ARHGEF16: variants seen among roughly 807,000 people sequenced by gnomAD.
The protein encoded by ARHGEF16 is Rho guanine exchange factor (GEF) 16.
Under a neutral mutation model 74.1 loss-of-function variants are expected in ARHGEF16, and 59 were observed. The observed-to-expected ratio is 0.80, with a 90% CI of 0.65 to 0.99. The LOEUF is 0.99. Ranked by LOEUF, ARHGEF16 falls within the 50% of genes least tolerant of loss-of-function variation. The probability of loss-of-function intolerance (pLI) is 0.00; values close to 1 mark genes in which losing one functional copy is unlikely to be tolerated. For missense variants in ARHGEF16, 948 were observed against 986.6 expected, an observed-to-expected ratio of 0.96 and a Z score of 0.52; for synonymous variants, 415 against 412.6, an observed-to-expected ratio of 1.01 and a Z score of -0.07.
At chr1:3,455,464 C>A (rs1639246972) in intron 1 of ARHGEF16, among the ~76,000 whole-genome samples, 1 of 152,090 alleles carries the variant, frequency 6.6e-6, no homozygotes, top group South Asian at 2.1e-4. Context: ...ACCAGGGAGC[C>A]GTGGCCGCTT....
intron 4 of ARHGEF16, 134 bp from the exon 5 acceptor site, chr1:3,468,746 G>T (rs959883521): frequency 2.4e-5 from 22 of 932,768 alleles, no homozygotes; most frequent in Non-Finnish European, 2.5e-5. Flanking sequence ...CCTACTCCAG[G>T]ATCGGACCTA....
chr1:3,472,879 A>ACCCCCCCCC, intron 6 of ARHGEF16, 199 bp from the exon 7 acceptor site: 3 of 106,818 alleles, frequency 2.8e-5, no homozygotes, highest in South Asian at 8.2e-5. Flanking sequence ...ACCACTTCCC[A>ACCCCCCCCC]CCCGCCCTCC....
intron 14 of ARHGEF16, among the ~76,000 whole-genome samples, chr1:3,480,244 AC>A (rs1640018580): frequency 6.6e-6 from 1 of 151,968 alleles, no homozygotes; most frequent in Non-Finnish European, 1.5e-5. Context: ...TCAGCCCAGC[AC>A]CCTTCTCAGT....
Position 3,463,494 on chromosome 1 carries a change from T to C in ARHGEF16, c.410T>C (p.Val137Ala), listed in dbSNP as rs1293262980. 2.0e-6 allele frequency: 3 copies of C among 1,511,702 alleles called. No individual in the cohort carries two copies. Among genetic ancestry groups the C allele is most frequent in the Non-Finnish European group, 2.7e-6 (3 of 1,127,808 alleles). The allele number at this position is 1,511,702 out of a possible 1,614,324, so 93.6% of individuals were successfully genotyped here. A position where few individuals can be genotyped will look rare whatever the true frequency, so the allele number is the denominator to read the frequency against. Residue 137 changes from valine to alanine, a missense_variant, in exon 2 of 15, where the codon GTG (valine) becomes GCG (alanine). By Grantham distance (64) the Val-to-Ala change is moderately conservative. Coordinates refer to ENST00000378378, the MANE Select transcript of ARHGEF16 (RefSeq NM_014448.4). ...APSFSLDDMD[V>A]DKDPGGMLRR... ...AGCTTCTCCCTGGATGACATGGACG[T>C]GGACAAGGACCCCGGGGGCATGCTG...
At chr1:3,478,056 C>T (rs1398016401) in intron 11 of ARHGEF16, 30 bp downstream of exon 11, 1 of 1,612,152 alleles carries the variant, frequency 6.2e-7, no homozygotes, top group South Asian at 1.1e-5. Context: ...GTGTGGGGAG[C>T]CCCACTCCAT....
chr1:3,469,784 C>T (rs1397364680), intron 6 of ARHGEF16, among the ~76,000 whole-genome samples, 191 bp downstream of exon 6: 2 of 152,186 alleles, frequency 1.3e-5, no homozygotes, highest in Non-Finnish European at 2.9e-5. Context: ...AAGAGCTGGC[C>T]CCAGGGCCGG....
At chr1:3,469,369 T>C (rs1639639577) in intron 5 of ARHGEF16, 64 bp from the exon 6 acceptor site, 6 of 1,578,432 alleles carry the variant, frequency 3.8e-6, no homozygotes, top group African/African-American at 2.7e-5. Context: ...GTTCCAAGCA[T>C]TGGTCACCGA....
Position 3,469,489 on chromosome 1 carries a change from G to C in ARHGEF16, c.918G>C (p.Leu306=), listed in dbSNP as rs758668219. ...CCTACCAGCACAGCCTGAGCATCCT[G>C]GTGGAGGAGTTCCTGCAGTCCAAGG... ...EFSYQHSLSI[L]VEEFLQSKEL... Residue 306 remains leucine, a synonymous_variant, in exon 6 of 15, where the codon CTG becomes CTC. Coordinates refer to ENST00000378378, the MANE Select transcript of ARHGEF16 (RefSeq NM_014448.4). 3 of 1,613,094 alleles carry C rather than the reference G, an allele frequency of 1.9e-6. No homozygotes were observed. The African/African-American group carries it at 4.0e-5, about 22-fold the overall frequency.
intron 8 of ARHGEF16, 78 bp from the exon 9 acceptor site, chr1:3,474,630 G>A (rs560551018): frequency 4.4e-5 from 61 of 1,389,950 alleles, no homozygotes; most frequent in South Asian, 2.3e-4. Context: ...AGCCCCACAC[G>A]GGGTCTGGCG....
chr1:3,462,371 G>A (rs1029363534), intron 1 of ARHGEF16, among the ~76,000 whole-genome samples: 4 of 152,216 alleles, frequency 2.6e-5, no homozygotes, highest in Admixed American at 6.5e-5. Flanking sequence ...GACAGTCCGC[G>A]ACAGTCATAT....
intron 2 of ARHGEF16, among the ~76,000 whole-genome samples, chr1:3,464,593 G>A (rs1557688624): frequency 1.3e-5 from 2 of 152,176 alleles, no homozygotes; most frequent in Non-Finnish European, 2.9e-5. Flanking sequence ...CCCCAGGGGC[G>A]TCCTTCTTGT....
At chr1:3,478,124 T>G (rs1380563138) in intron 11 of ARHGEF16, 98 bp downstream of exon 11, 5 of 1,524,280 alleles carry the variant, frequency 3.3e-6, no homozygotes, top group African/African-American at 1.4e-5. Flanking sequence ...CCTGAGCCCC[T>G]CTGACCTCAG....
intron 1 of ARHGEF16, among the ~76,000 whole-genome samples, chr1:3,461,973 G>A (rs1639408091): frequency 6.6e-6 from 1 of 152,182 alleles, no homozygotes; most frequent in South Asian, 2.1e-4. Flanking sequence ...TCTGGAAGGA[G>A]GAAAGTGAGA....
chr1:3,455,738 C>T (rs1267336898), intron 1 of ARHGEF16, among the ~76,000 whole-genome samples: 1 of 152,122 alleles, frequency 6.6e-6, no homozygotes, highest in Non-Finnish European at 1.5e-5. Context: ...GGCTGCAGGT[C>T]CTGACCCCTC....
chr1:3,466,223 C>CT, intron 3 of ARHGEF16, 30 bp downstream of exon 3: 19 of 1,532,800 alleles, frequency 1.2e-5, no homozygotes, highest in Non-Finnish European at 1.7e-5. Context: ...GCACCGCGGG[C>CT]TGGGCTCCAG....
chr1:3,479,160 C>T (rs1340321278), intron 12 of ARHGEF16, among the ~76,000 whole-genome samples: 1 of 152,218 alleles, frequency 6.6e-6, no homozygotes, highest in African/African-American at 2.4e-5. Context: ...TCCATATTCC[C>T]TCTCAGCTCG....
In ARHGEF16 at chr1:3,479,796, C is replaced by T. The variant is rs1372518795; in HGVS notation, c.1889-16C>T. On this transcript the variant is annotated splice_polypyrimidine_tract_variant and intron_variant, in intron 13 of 14. Coordinates refer to ENST00000378378, the MANE Select transcript of ARHGEF16 (RefSeq NM_014448.4). The stretch of plus-strand genomic sequence containing the variant: ...ATGCCTCCCGACAGCCCTGTGATGG[C>T]CACTGCCCTATGCAGACCTGCCCCA... The T allele has an allele frequency of 6.2e-7, 1 of 1,610,740 alleles. No individual in the cohort carries two copies. The highest frequency in any genetic ancestry group is 1.1e-5 in the South Asian group (1 of 91,062).
chr1:3,471,557 TG>T, intron 6 of ARHGEF16: 1 of 932,416 alleles, frequency 1.1e-6, no homozygotes. Flanking sequence ...GGGAGGGGTC[TG>T]GGATAGCGGC....
chr1:3,467,576 A>G (rs928232957), intron 4 of ARHGEF16, among the ~76,000 whole-genome samples: 34 of 152,192 alleles, frequency 2.2e-4, no homozygotes, highest in Admixed American at 9.2e-4. Context: ...TGCGAGGGCC[A>G]GCCCTGCTCA....
Sources: gnomAD v4.1 joint callset for allele counts (sites outside exome capture counted in the v4.1 genomes callset) on GRCh38, gnomAD v4.1.1 for gene constraint, MANE v1.5 for transcripts, NCBI Gene and HGNC (gene_info 2026-07-23, HGNC 2026-07-21) for gene names.